Variants in RUVBL1 observed in about 807,000 individuals in gnomAD.
The protein encoded by RUVBL1 is RuvB like AAA ATPase 1.
Under a neutral mutation model 52.4 loss-of-function variants are expected in RUVBL1, and 4 were observed. The ratio of observed to expected loss-of-function variants is 0.08; its 90% CI spans 0.04 to 0.17. The LOEUF (loss-of-function observed/expected upper bound fraction) is 0.17. Among genes scored for constraint, RUVBL1 ranks in the 10% least tolerant of loss-of-function variants. The pLI is 1.00. For synonymous variants in RUVBL1, 217 were observed against 214.4 expected (o/e 1.01, Z -0.10); for missense variants, 298 against 572.8 (o/e 0.52, Z 4.90).
chr3:128,148,385 T>C (rs558180655), intron 1 of RUVBL1, among the ~76,000 whole-genome samples: 5 of 152,316 alleles, frequency 3.3e-5, no homozygotes, highest in Non-Finnish European at 5.9e-5. Context: ...AGTCAAGAAC[T>C]GAGCCAGTTT....
At chr3:128,077,101 G>A (rs1319436258), downstream of RUVBL1, among the ~76,000 whole-genome samples, 1 of 151,834 alleles carries the variant, frequency 6.6e-6, no homozygotes, top group African/African-American at 2.4e-5. Flanking sequence ...GGGTCAGCGC[G>A]GGCCGGGCCG....
chr3:128,088,159 G>A (rs1209269223), intron 8 of RUVBL1, among the ~76,000 whole-genome samples: 3 of 151,922 alleles, frequency 2.0e-5, no homozygotes, highest in Non-Finnish European at 4.4e-5. Context: ...CTACTCAGGA[G>A]GCTGAGGCAT....
chr3:128,127,182 A>C (rs778434344), upstream of RUVBL1, among the ~76,000 whole-genome samples: 82 of 152,198 alleles, frequency 5.4e-4, no homozygotes, highest in Non-Finnish European at 8.7e-4. Context: ...TTCCCGATGA[A>C]ATCCTTTATA....
exon 1 of RUVBL1, chr3:128,153,696 C>T: frequency 6.3e-7 from 1 of 1,589,650 alleles, no homozygotes; most frequent in Non-Finnish European, 8.5e-7. Context: ...TGCCCGCGCG[C>T]CTGCGGTCGT....
Position 128,081,627 on chromosome 3 carries a change from A to AT in RUVBL1, c.1212-219dup. 1.9e-6 allele frequency: 1 copy of AT among 538,758 alleles called. No homozygotes were observed. The highest frequency in any genetic ancestry group is 2.6e-5 in the South Asian group (1 of 38,036). 33.4% of individuals were successfully genotyped at this position (538,758 alleles called of 1,614,324 possible). ...AGGGTCCAGGAGCCACCAAGAAGAC[A>AT]TAAGTGCTATTCCCCAAATCTTTAG... is the stretch of plus-strand genomic sequence containing the variant. On this transcript the variant is annotated intron_variant, in intron 10 of 10. Transcript: ENST00000322623. The surrounding 1 kb of genome is among the most constrained non-coding windows in gnomAD (Gnocchi z 4.8).
intron 9 of RUVBL1, among the ~76,000 whole-genome samples, chr3:128,085,656 A>G (rs1374473291): frequency 6.6e-6 from 1 of 152,108 alleles, no homozygotes; most frequent in African/African-American, 2.4e-5. Context: ...GAGATCTGTG[A>G]CTCTCCTGAT....
intron 1 of RUVBL1, among the ~76,000 whole-genome samples, chr3:128,119,648 ATCT>A (rs1943599640): frequency 6.6e-6 from 1 of 152,198 alleles, no homozygotes; most frequent in African/African-American, 2.4e-5. Context: ...TGCACACATA[ATCT>A]TCATCACTAC....
chr3:128,130,429 C>T (rs1032701776), intron 1 of RUVBL1, among the ~76,000 whole-genome samples: 3 of 151,590 alleles, frequency 2.0e-5, no homozygotes, highest in African/African-American at 4.8e-5. Flanking sequence ...AGCCTAGAGC[C>T]GAATGGCTTA....
At chr3:128,099,406 G>T (rs533830103) in intron 6 of RUVBL1, among the ~76,000 whole-genome samples, 1 of 152,348 alleles carries the variant, frequency 6.6e-6, no homozygotes, top group Admixed American at 6.5e-5. Flanking sequence ...TCCTCCAAAT[G>T]TTCCTGTGCC....
At chr3:128,128,744 G>T (rs114161036), upstream of RUVBL1, among the ~76,000 whole-genome samples, 419 of 152,302 alleles carry the variant, frequency 2.8e-3, 1 homozygote, top group African/African-American at 9.3e-3. Context: ...CCTATGTAAA[G>T]AGAGGAGAAG....
chr3:128,101,180 G>T (rs576605987), intron 5 of RUVBL1, among the ~76,000 whole-genome samples: 1 of 152,166 alleles, frequency 6.6e-6, no homozygotes, highest in African/African-American at 2.4e-5. Flanking sequence ...CGAATGCAGC[G>T]TTCCTTCCCA....
chr3:128,092,667 C>G (rs1166545817), intron 8 of RUVBL1, among the ~76,000 whole-genome samples: 1 of 152,068 alleles, frequency 6.6e-6, no homozygotes, highest in South Asian at 2.1e-4. Flanking sequence ...ACTTCATTAC[C>G]CACTAGAATA....
chr3:128,142,208 C>T (rs1052745830), intron 1 of RUVBL1, among the ~76,000 whole-genome samples: 1 of 152,198 alleles, frequency 6.6e-6, no homozygotes, highest in Non-Finnish European at 1.5e-5. Context: ...TGCCTGGGAA[C>T]GTGGCCGAGC....
downstream of RUVBL1, chr3:128,076,139 G>A (rs961417122): frequency 6.6e-6 from 1 of 152,454 alleles, no homozygotes; most frequent in African/African-American, 2.4e-5. The surrounding 1 kb of genome is among the most constrained non-coding windows in gnomAD (Gnocchi z 6.8). Flanking sequence ...AGTGGGTCCC[G>A]GCGGACCAGC....
At chr3:128,128,075 GT>G (rs1943821761), upstream of RUVBL1, among the ~76,000 whole-genome samples, 1 of 151,976 alleles carries the variant, frequency 6.6e-6, no homozygotes. Context: ...CGTTGTGTTA[GT>G]TTTTTGGGGG....
intron 9 of RUVBL1, among the ~76,000 whole-genome samples, chr3:128,074,160 G>A (rs964698505): frequency 2.0e-5 from 3 of 152,162 alleles, no homozygotes; most frequent in South Asian, 2.1e-4. Context: ...GTACAAGAAT[G>A]TTCATAATAG....
chr3:128,117,773 A>G (rs1428746269), intron 2 of RUVBL1, among the ~76,000 whole-genome samples: 1 of 152,144 alleles, frequency 6.6e-6, no homozygotes, highest in Admixed American at 6.5e-5. Context: ...ACTCAGATTC[A>G]AGAAGCACAA....
chr3:128,151,089 C>CTA (rs1944201210), intron 1 of RUVBL1, among the ~76,000 whole-genome samples: 1 of 108,208 alleles, frequency 9.2e-6, no homozygotes, highest in Non-Finnish European at 1.7e-5. Context: ...CTCTATATAT[C>CTA]TATATATTCT....
chr3:128,148,741 C>T (rs1944140896), intron 1 of RUVBL1, among the ~76,000 whole-genome samples: 1 of 152,126 alleles, frequency 6.6e-6, no homozygotes, highest in Non-Finnish European at 1.5e-5. Flanking sequence ...TGTACAAGCA[C>T]ATATATATAG....
Sources: allele counts gnomAD v4.1 joint callset (sites outside exome capture counted in the v4.1 genomes callset), GRCh38; gene constraint gnomAD v4.1.1; non-coding constraint Gnocchi (gnomAD v3.1); transcripts MANE v1.5; gene names NCBI Gene and HGNC (gene_info 2026-07-23, HGNC 2026-07-21).